SND1: variants seen among roughly 807,000 people sequenced by gnomAD.
SND1 encodes the protein staphylococcal nuclease and tudor domain containing 1.
Under a neutral mutation model 121.7 loss-of-function variants are expected in SND1, and 38 were observed. That is an observed-to-expected ratio of 0.31 (90% confidence interval 0.24 to 0.41). The LOEUF is 0.41. Among genes scored for constraint, SND1 ranks in the 10% least tolerant of loss-of-function variants. The pLI is 1.00. For synonymous variants in SND1, 401 were observed against 447.4 expected (o/e 0.90, Z 1.31); for missense variants, 868 against 1,184.6 (o/e 0.73, Z 3.92).
chr7:128,032,024 C>T (rs1225019263), intron 16 of SND1: 1 of 151,744 alleles, frequency 6.6e-6, no homozygotes, highest in Non-Finnish European at 1.5e-5. Context: ...CCGTCTCCTC[C>T]TCGCGCCGGG....
At chr7:127,720,643 A>G (rs997036814) in intron 9 of SND1, among the ~76,000 whole-genome samples, 2 of 152,294 alleles carry the variant, frequency 1.3e-5, no homozygotes, top group African/African-American at 2.4e-5. Flanking sequence ...GTTCTGTGTT[A>G]CTGATCTTGG....
At chr7:127,753,663 T>C (rs1181452646) in intron 10 of SND1, among the ~76,000 whole-genome samples, 3 of 152,180 alleles carry the variant, frequency 2.0e-5, no homozygotes, top group South Asian at 2.1e-4. Flanking sequence ...AAATTCAGAA[T>C]GTGTGAACAA....
chr7:127,996,013 T>C (rs1802646902), intron 16 of SND1, among the ~76,000 whole-genome samples: 1 of 152,166 alleles, frequency 6.6e-6, no homozygotes, highest in African/African-American at 2.4e-5. Context: ...CTCAGGCTGC[T>C]GCCTTGACCT....
rs753035379 is a variant in SND1, at chr7:127,858,191, C to T, written c.1343+13767C>T. On this transcript the variant is annotated intron_variant, in intron 12 of 23. Transcript: ENST00000354725. ...GGCCTGGCACCCCAAACCCTTCAGC[C>T]GCATGGCCAACTGTTCCCTCGTTTC... 2.2e-5 allele frequency: 17 copies of T among 790,142 alleles called. 1 individual carries two copies. The highest frequency in any genetic ancestry group is 1.5e-4 in the South Asian group (11 of 71,778). 48.9% of individuals were successfully genotyped at this position (790,142 alleles called of 1,614,324 possible).
chr7:127,916,772 A>G (rs1000488364), intron 14 of SND1, among the ~76,000 whole-genome samples: 2 of 152,226 alleles, frequency 1.3e-5, no homozygotes, highest in Non-Finnish European at 2.9e-5. Context: ...GTGCAATTCC[A>G]TGAGTTACTG....
At chr7:127,842,560 C>T (rs1798983837) in intron 11 of SND1, among the ~76,000 whole-genome samples, 1 of 152,208 alleles carries the variant, frequency 6.6e-6, no homozygotes, top group African/African-American at 2.4e-5. Context: ...CACTGCTTAA[C>T]TCTCAAGTAT....
intron 15 of SND1, among the ~76,000 whole-genome samples, chr7:127,934,888 C>T (rs1221252683): frequency 6.6e-6 from 1 of 152,116 alleles, no homozygotes; most frequent in Admixed American, 6.5e-5. Flanking sequence ...CCCTGGAAGA[C>T]ACCAACCTGC....
At chr7:127,681,202 A>G (rs1795720636) in intron 1 of SND1, among the ~76,000 whole-genome samples, 1 of 152,214 alleles carries the variant, frequency 6.6e-6, no homozygotes, top group African/African-American at 2.4e-5. Context: ...TAGTGGTGGT[A>G]AAGTGATATG....
chr7:127,835,057 G>C (rs1359202707), intron 11 of SND1, among the ~76,000 whole-genome samples: 5 of 152,178 alleles, frequency 3.3e-5, no homozygotes, highest in Non-Finnish European at 7.4e-5. Flanking sequence ...TTATTGATTA[G>C]ATTTCCCTGG....
intron 1 of SND1, among the ~76,000 whole-genome samples, chr7:127,671,466 C>T (rs1163521853): frequency 9.8e-5 from 15 of 152,288 alleles, no homozygotes; most frequent in Non-Finnish European, 1.3e-4. Context: ...TGATCAATAC[C>T]TGACCTTGTT....
chr7:127,712,464 T>C (rs1428311407), intron 9 of SND1, among the ~76,000 whole-genome samples: 1 of 152,168 alleles, frequency 6.6e-6, no homozygotes, highest in East Asian at 1.9e-4. Context: ...CTGGCCAGGG[T>C]ATACATCTTG....
intron 12 of SND1, among the ~76,000 whole-genome samples, chr7:127,872,315 A>G (rs1283840595): frequency 6.6e-6 from 1 of 152,120 alleles, no homozygotes; most frequent in Admixed American, 6.6e-5. Context: ...GCTCTGTGCC[A>G]TGTGGGGTTT....
chr7:127,999,767 T>G (rs1207222848), intron 16 of SND1: 4 of 152,202 alleles, frequency 2.6e-5, no homozygotes, highest in South Asian at 4.1e-4. Context: ...CGATACAGTC[T>G]ACCCATCTGA....
chr7:127,668,383 A>G (rs942534983), intron 1 of SND1, among the ~76,000 whole-genome samples: 1 of 152,174 alleles, frequency 6.6e-6, no homozygotes, highest in Non-Finnish European at 1.5e-5. Context: ...CCGTATGAAC[A>G]CCATACTTCT....
chr7:127,676,585 C>T (rs756909168), intron 1 of SND1, among the ~76,000 whole-genome samples: 10 of 152,130 alleles, frequency 6.6e-5, no homozygotes, highest in East Asian at 1.9e-4. Flanking sequence ...ACTACTTTCA[C>T]CCCAGAGGAT....
At chr7:127,957,732 CTCTTGTTG>C (rs1298247474) in intron 15 of SND1, among the ~76,000 whole-genome samples, 1 of 152,100 alleles carries the variant, frequency 6.6e-6, no homozygotes, top group Non-Finnish European at 1.5e-5. Flanking sequence ...TGGAGTTTCG[CTCTTGTTG>C]TCCAGGCTGG....
At chr7:127,906,412 T>C (rs998161786) in intron 14 of SND1, among the ~76,000 whole-genome samples, 2 of 152,238 alleles carry the variant, frequency 1.3e-5, no homozygotes, top group Non-Finnish European at 2.9e-5. Context: ...TATTTTTATG[T>C]ATGTGCATGG....
At chr7:127,692,428 C>T (rs951661156) in intron 2 of SND1, 1 of 152,120 alleles carries the variant, frequency 6.6e-6, no homozygotes, top group Non-Finnish European at 1.5e-5. Flanking sequence ...CCATTCTGGC[C>T]CTTATTTGAA....
chr7:127,913,178 T>A (rs1563056077), intron 14 of SND1, among the ~76,000 whole-genome samples: 1 of 152,232 alleles, frequency 6.6e-6, no homozygotes, highest in Non-Finnish European at 1.5e-5. Context: ...CTTCTTTATT[T>A]GTTCGTTCTT....
Sources: gnomAD v4.1 joint callset for allele counts (sites outside exome capture counted in the v4.1 genomes callset) on GRCh38, gnomAD v4.1.1 for gene constraint, MANE v1.5 for transcripts, NCBI Gene and HGNC (gene_info 2026-07-23, HGNC 2026-07-21) for gene names.